Variants in MACROD2 observed in about 807,000 individuals in gnomAD.
The protein encoded by MACROD2 is ADP-ribose glycohydrolase MACROD2.
A neutral mutation model predicts 70.4 loss-of-function variants in MACROD2; 36 were observed. The observed-to-expected ratio is 0.51, with a 90% CI of 0.39 to 0.68. The LOEUF is 0.68. MACROD2 is among the 30% of genes least tolerant of loss of function. The pLI is 0.00. For synonymous variants in MACROD2, 172 were observed against 178.8 expected (o/e 0.96, Z 0.30); for missense variants, 496 against 538.4 (o/e 0.92, Z 0.78).
At position 15,835,770 on chromosome 20, in the gene MACROD2, A is replaced by G. The variant is rs1380175050; in HGVS notation, c.646-26975A>G. ...TCGTATAATAATGAGTTATGACTCC[A>G]GGCTAGATTCATCTTAAGCATCAAA... On this transcript the variant is annotated intron_variant, in intron 8 of 17. Transcript: ENST00000684519. Among the ~76,000 whole-genome samples the G allele has an allele frequency of 2.6e-5, 4 of 152,228 alleles. No individual in the cohort carries two copies. In the East Asian group the frequency reaches 7.7e-4, roughly 29 times the overall value.
chr20:15,757,018 T>G (rs1011981564), intron 8 of MACROD2, among the ~76,000 whole-genome samples: 7 of 152,238 alleles, frequency 4.6e-5, no homozygotes, highest in Non-Finnish European at 8.8e-5. Context: ...TAATTATGAT[T>G]TATTTAAAAG....
chr20:14,797,563 GT>G (rs2072524988), intron 5 of MACROD2, among the ~76,000 whole-genome samples: 1 of 151,934 alleles, frequency 6.6e-6, no homozygotes, highest in African/African-American at 2.4e-5. Flanking sequence ...TTCTCACCTA[GT>G]TAATGCTTAT....
chr20:15,520,355 C>G (rs185261897), intron 8 of MACROD2, among the ~76,000 whole-genome samples: 39 of 152,262 alleles, frequency 2.6e-4, no homozygotes, highest in Admixed American at 1.8e-3. Flanking sequence ...GGCATGGAGA[C>G]CTTCCCCAAC....
chr20:14,187,280 A>G (rs1277945829), intron 3 of MACROD2, among the ~76,000 whole-genome samples: 3 of 152,204 alleles, frequency 2.0e-5, no homozygotes, highest in Middle Eastern at 3.2e-3. Context: ...ACATTGGTGT[A>G]AATGACATTG....
intron 5 of MACROD2, among the ~76,000 whole-genome samples, chr20:15,090,008 C>G (rs557324148): frequency 2.5e-4 from 38 of 152,128 alleles, no homozygotes; most frequent in African/African-American, 8.9e-4. Flanking sequence ...GTAGGATCAG[C>G]TTTCAGAGGA....
chr20:15,400,957 TC>T lies in MACROD2; in HGVS notation c.541-30444del, dbSNP rs2045920491. 2.0e-5 allele frequency among the ~76,000 whole-genome samples: 3 copies of T among 152,008 alleles called. No individual in the cohort carries two copies. In the South Asian group the frequency reaches 6.2e-4, roughly 31 times the overall value. The stretch of plus-strand genomic sequence containing the variant: ...GCTAGAGATCTCACATCTACTTGTG[TC>T]CCCTTTGTTAGATGTAAAGCCAGCC... On this transcript the variant is annotated intron_variant, in intron 6 of 17. Transcript: ENST00000684519.
chr20:15,595,948 A>C (rs1254059177), intron 8 of MACROD2, among the ~76,000 whole-genome samples: 1 of 152,174 alleles, frequency 6.6e-6, no homozygotes, highest in Non-Finnish European at 1.5e-5. Flanking sequence ...AAATTTTCCT[A>C]TACTATCTAC....
chr20:15,505,333 A>C (rs541439611), intron 8 of MACROD2, among the ~76,000 whole-genome samples: 19 of 152,204 alleles, frequency 1.2e-4, no homozygotes, highest in Non-Finnish European at 2.4e-4. Flanking sequence ...CTGGAGGATC[A>C]GTGGATTTCC....
intron 5 of MACROD2, among the ~76,000 whole-genome samples, chr20:14,899,860 G>A (rs1020071242): frequency 2.0e-5 from 3 of 152,160 alleles, no homozygotes; most frequent in African/African-American, 7.2e-5. Context: ...ACTGGGCAGT[G>A]TTGGTTGTCA....
At chr20:15,403,257 C>T (rs951959630) in intron 6 of MACROD2, among the ~76,000 whole-genome samples, 7 of 152,118 alleles carry the variant, frequency 4.6e-5, no homozygotes, top group Non-Finnish European at 1.0e-4. Flanking sequence ...TGTGAGCCAC[C>T]GCGTCTCACC....
At chr20:14,185,566 A>G (rs2081337833) in intron 3 of MACROD2, among the ~76,000 whole-genome samples, 1 of 152,184 alleles carries the variant, frequency 6.6e-6, no homozygotes, top group Non-Finnish European at 1.5e-5. Flanking sequence ...ATGCCATTAA[A>G]GCAGAGTTAT....
chr20:14,326,123 T>G lies in MACROD2; in HGVS notation c.272-167356T>G, dbSNP rs770312567. ...TCCAGGGCTGTGACCAAGTACTCAC[T>G]GCGTTCCCCTGTTACAATTGTTTCT... On this transcript the variant is annotated intron_variant, in intron 3 of 17. Coordinates refer to ENST00000684519, the MANE Select transcript of MACROD2 (RefSeq NM_001351661.2). The surrounding 1 kb of genome is among the most constrained non-coding windows in gnomAD (Gnocchi z 5.5). The G allele has an allele frequency of 2.5e-6, 4 of 1,613,786 alleles. No individual in the cohort carries two copies.
intron 4 of MACROD2, among the ~76,000 whole-genome samples, chr20:14,674,502 G>A (rs2070834718): frequency 6.6e-6 from 1 of 152,104 alleles, no homozygotes; most frequent in Admixed American, 6.5e-5. Context: ...TTGAGTGGAG[G>A]TCCTATGAGG....
intron 3 of MACROD2, among the ~76,000 whole-genome samples, chr20:14,443,299 CT>C (rs34612697): frequency 2.1e-3 from 280 of 135,958 alleles, no homozygotes; most frequent in Middle Eastern, 7.5e-3. Flanking sequence ...ATTACCTATG[CT>C]TTTTTTTTTT....
intron 3 of MACROD2, among the ~76,000 whole-genome samples, chr20:14,426,437 A>C (rs765513306): frequency 6.6e-5 from 10 of 151,790 alleles, no homozygotes; most frequent in African/African-American, 1.2e-4. Context: ...TTATTTCTGC[A>C]TATTGCATTT....
At chr20:14,780,902 T>G (rs140350805) in intron 5 of MACROD2, among the ~76,000 whole-genome samples, 18 of 152,248 alleles carry the variant, frequency 1.2e-4, no homozygotes, top group Non-Finnish European at 2.5e-4. Flanking sequence ...AGAAACTTTT[T>G]TAGTTTTATT....
At chr20:14,601,579 AAATT>A (rs1399208568) in intron 4 of MACROD2, among the ~76,000 whole-genome samples, 2 of 152,144 alleles carry the variant, frequency 1.3e-5, no homozygotes, top group Non-Finnish European at 2.9e-5. Context: ...CAGGTTAAAT[AAATT>A]GTTGAATATA....
At chr20:14,020,525 G>A (rs1387303991) in intron 2 of MACROD2, among the ~76,000 whole-genome samples, 2 of 152,162 alleles carry the variant, frequency 1.3e-5, no homozygotes, top group African/African-American at 2.4e-5. Flanking sequence ...GTCTGGGCTT[G>A]TTTGTCATCT....
rs200593020 is a variant in MACROD2, at chr20:14,085,727, C to T, written c.270C>T (p.Ala90=). ...TLLEVDAIVN[A]ANASLLGGGG... ...TAGAGGTAGATGCTATAGTCAATGC[C>T]GGTGAGTAGTTGATTTTCCTGTGAT... Residue 90 remains alanine, a splice_region_variant and synonymous_variant, in exon 3 of 18, where the codon GCC becomes GCT. Transcript: ENST00000684519. 2.0e-5 allele frequency: 30 copies of T among 1,491,196 alleles called. No homozygotes were observed. In the African/African-American group the frequency reaches 2.7e-4, roughly 13 times the overall value. 92.4% of individuals were successfully genotyped at this position (1,491,196 alleles called of 1,614,324 possible).
Sources: allele counts gnomAD v4.1 joint callset (sites outside exome capture counted in the v4.1 genomes callset), GRCh38; gene constraint gnomAD v4.1.1; non-coding constraint Gnocchi (gnomAD v3.1); transcripts MANE v1.5; gene names NCBI Gene and HGNC (gene_info 2026-07-23, HGNC 2026-07-21).